The following DENND5A variants were observed in gnomAD, a reference collection of about 807,000 sequenced individuals.
DENND5A encodes DENN domain-containing protein 5A.
A neutral mutation model predicts 140.3 loss-of-function variants in DENND5A; 64 were observed. That is an observed-to-expected ratio of 0.46 (90% CI 0.37 to 0.56). The LOEUF (loss-of-function observed/expected upper bound fraction) is 0.56, where lower values mean the gene tolerates loss of function less well. Ranked by LOEUF, DENND5A falls within the 20% of genes least tolerant of loss-of-function variation. The pLI is 0.00. For synonymous variants in DENND5A, 605 were observed against 607.7 expected (o/e 1.00, Z 0.07); for missense variants, 1,292 against 1,593.8 (o/e 0.81, Z 3.22).
rs200941937 is a variant in DENND5A at position 9,144,162 on chromosome 11, G to A, written c.3239C>T (p.Pro1080Leu). 3.1e-6 allele frequency: 5 copies of A among 1,614,116 alleles called. No individual in the cohort carries two copies. Among genetic ancestry groups the A allele is most frequent in the East Asian group, 4.5e-5 (2 of 44,882 alleles). The change falls in exon 19 of 23, where the codon CCG becomes CTG. Residue 1080 changes from proline to leucine, a missense_variant. Transcript: ENST00000328194. ...PEVDERPCRTPPLQQSPSVIR... is the reference protein window; with the variant it reads ...PEVDERPCRTLPLQQSPSVIR... The stretch of plus-strand genomic sequence containing the variant: ...GACACTGGGGGACTGCTGCAGCGGC[G>A]GGGTCCGGCATGGCCTCTCATCCAC...
chr11:9,255,833 C>T (rs1851920386), intron 1 of DENND5A, among the ~76,000 whole-genome samples: 1 of 151,438 alleles, frequency 6.6e-6, no homozygotes, highest in Non-Finnish European at 1.5e-5. Context: ...CCACTGCACT[C>T]CAGCCTGGGC....
At chr11:9,173,471 A>ACTTTT (rs1291751021) in intron 8 of DENND5A, among the ~76,000 whole-genome samples, 1 of 152,242 alleles carries the variant, frequency 6.6e-6, no homozygotes, top group African/African-American at 2.4e-5. Flanking sequence ...AATAGATGAC[A>ACTTTT]ATAGCACGTC....
At chr11:9,251,546 C>T (rs1417727525) in intron 1 of DENND5A, among the ~76,000 whole-genome samples, 1 of 152,152 alleles carries the variant, frequency 6.6e-6, no homozygotes, top group African/African-American at 2.4e-5. Context: ...AACAACTTGA[C>T]ATCTGGCACA....
chr11:9,170,695 C>T lies in DENND5A; in HGVS notation c.1989G>A (p.Gly663=), dbSNP rs749923852. 10 of 1,613,830 alleles carry T rather than the reference C, an allele frequency of 6.2e-6. No individual in the cohort carries two copies. The highest frequency in any genetic ancestry group is 1.1e-5 in the South Asian group (1 of 91,066). ...PHLLDMKIGQ[G]KYEPGFFPKL... ...TAGGGAAGAAGCCCGGCTCATATTTCCCTTGTCCAATCTTCATGTCAAGTA... is the reference window on the plus strand; with the variant it reads ...TAGGGAAGAAGCCCGGCTCATATTTTCCTTGTCCAATCTTCATGTCAAGTA... Residue 663 remains glycine (G), a synonymous_variant, in exon 9 of 23, where the codon GGG becomes GGA. Coordinates refer to ENST00000328194, the MANE Select transcript of DENND5A (RefSeq NM_015213.4).
At chr11:9,237,781 G>T (rs1182865226) in intron 1 of DENND5A, among the ~76,000 whole-genome samples, 3 of 151,958 alleles carry the variant, frequency 2.0e-5, no homozygotes, top group Non-Finnish European at 4.4e-5. Context: ...TACTAGGGAG[G>T]CTTAGGCAGT....
At chr11:9,235,691 T>C (rs1590317377) in intron 1 of DENND5A, among the ~76,000 whole-genome samples, 4 of 149,560 alleles carry the variant, frequency 2.7e-5, no homozygotes, top group African/African-American at 7.4e-5. Context: ...TCACGCTACC[T>C]GAAAGGAGCC....
intron 1 of DENND5A, among the ~76,000 whole-genome samples, chr11:9,210,035 G>A (rs1295592941): frequency 6.6e-6 from 1 of 151,806 alleles, no homozygotes; most frequent in Non-Finnish European, 1.5e-5. Context: ...TGAACCCGGG[G>A]GATGGAGGTT....
intron 4 of DENND5A, among the ~76,000 whole-genome samples, chr11:9,196,014 G>A (rs535099034): frequency 1.2e-4 from 18 of 152,242 alleles, no homozygotes; most frequent in East Asian, 1.9e-4. Flanking sequence ...GTGCAGTGGC[G>A]CAATCTCGGC....
intron 1 of DENND5A, among the ~76,000 whole-genome samples, chr11:9,243,089 A>G (rs78893234): frequency 7.1e-6 from 1 of 141,568 alleles, no homozygotes; most frequent in Non-Finnish European, 1.5e-5. Flanking sequence ...CTCTGTCTCA[A>G]AAAAAAAAAA....
rs1476671854 is a variant in DENND5A at position 9,219,983 on chromosome 11, A to G, written c.110-12351T>C. ...GAAAGGGGCTCAGTTAAAGCACTCT[A>G]GAAGCCCAGGGAATTTGATTCAAAT... On this transcript the variant is annotated intron_variant, in intron 1 of 22. Coordinates refer to ENST00000328194, the MANE Select transcript of DENND5A (RefSeq NM_015213.4). Among the ~76,000 whole-genome samples, 3 of 152,246 alleles carry G rather than the reference A, an allele frequency of 2.0e-5. 1 individual carries two copies. The highest frequency in any genetic ancestry group is 7.2e-5 in the African/African-American group (3 of 41,462).
At chr11:9,166,013 A>C in intron 10 of DENND5A, 46 bp from the exon 11 acceptor site, 1 of 1,605,168 alleles carries the variant, frequency 6.2e-7, no homozygotes, top group South Asian at 1.1e-5. Flanking sequence ...CATGTACATA[A>C]ACCAAAGGTC....
In DENND5A at chr11:9,179,106, T is replaced by C. The variant is rs772346071; in HGVS notation, c.1456-33A>G. ...AAAAGAAAAAGCAGTTGAGAACACATACACTTTTTCCTTTTAACCCAAGGA... is the reference window on the plus strand; with the variant it reads ...AAAAGAAAAAGCAGTTGAGAACACACACACTTTTTCCTTTTAACCCAAGGA... On this transcript the variant is annotated intron_variant, in intron 6 of 22. Coordinates refer to ENST00000328194, the MANE Select transcript of DENND5A (RefSeq NM_015213.4). 5.7e-6 allele frequency: 9 copies of C among 1,585,212 alleles called. No individual in the cohort carries two copies. In the South Asian group the frequency reaches 6.7e-5, roughly 12 times the overall value.
At chr11:9,167,435 C>T (rs1297917554) in intron 10 of DENND5A, among the ~76,000 whole-genome samples, 1 of 145,492 alleles carries the variant, frequency 6.9e-6, no homozygotes, top group Non-Finnish European at 1.5e-5. Flanking sequence ...ATGTCCTCTA[C>T]TTGAAATGCT....
At chr11:9,216,642 G>A (rs1025028380) in intron 1 of DENND5A, among the ~76,000 whole-genome samples, 8 of 152,174 alleles carry the variant, frequency 5.3e-5, no homozygotes, top group Non-Finnish European at 1.2e-4. Context: ...GCAGGGCAGG[G>A]GACTGTGGCT....
At chr11:9,193,006 C>T (rs1337323413) in intron 5 of DENND5A, among the ~76,000 whole-genome samples, 5 of 152,212 alleles carry the variant, frequency 3.3e-5, no homozygotes, top group Non-Finnish European at 7.3e-5. Flanking sequence ...AGGAGGATTA[C>T]TTGAGCCCAG....
At chr11:9,188,178 A>G (rs1848986076) in intron 5 of DENND5A, among the ~76,000 whole-genome samples, 1 of 152,124 alleles carries the variant, frequency 6.6e-6, no homozygotes, top group South Asian at 2.1e-4. Flanking sequence ...AATAAGTCTC[A>G]AGAGATCTGA....
intron 1 of DENND5A, among the ~76,000 whole-genome samples, chr11:9,258,274 T>G: frequency 7.2e-6 from 1 of 138,564 alleles, no homozygotes. Flanking sequence ...ATCCCTCCCC[T>G]AGTCCCCCAC....
intron 1 of DENND5A, among the ~76,000 whole-genome samples, chr11:9,227,173 T>G (rs1564926875): frequency 7.2e-6 from 1 of 139,058 alleles, no homozygotes; most frequent in Non-Finnish European, 1.5e-5. Flanking sequence ...CATCTCAAAA[T>G]AAATAAATAA....
At position 9,244,132 on chromosome 11, in the gene DENND5A, C is replaced by T. The variant is rs372992833; in HGVS notation, c.109+20829G>A. ...CTAACCCCCAACTTGGTTCAAGAGT[C>T]AAGTGTATTTGGACATACAGAACCT... On this transcript the variant is annotated intron_variant, in intron 1 of 22. Transcript: ENST00000328194. Among the ~76,000 whole-genome samples, 28 of 152,208 alleles carry T rather than the reference C, an allele frequency of 1.8e-4. No homozygotes were observed. In the East Asian group the frequency reaches 1.9e-3, roughly 10 times the overall value.
Sources: gnomAD v4.1 joint callset for allele counts (sites outside exome capture counted in the v4.1 genomes callset) on GRCh38, gnomAD v4.1.1 for gene constraint, MANE v1.5 for transcripts, NCBI Gene and HGNC (gene_info 2026-07-23, HGNC 2026-07-21) for gene names.